The following GPLD1 variants were observed in gnomAD, a reference collection of about 807,000 sequenced individuals.
GPLD1 encodes phosphatidylinositol-glycan-specific phospholipase D.
In GPLD1, 84 loss-of-function variants were observed where a neutral mutation model predicts 112.6. The observed-to-expected ratio is 0.75, with a 90% CI of 0.63 to 0.89. The LOEUF is 0.89. Ranked by LOEUF, GPLD1 falls within the 40% of genes least tolerant of loss-of-function variation. GPLD1 has a pLI of 0.00. For synonymous variants in GPLD1, 386 were observed against 403.8 expected (o/e 0.96, Z 0.53); for missense variants, 1,044 against 1,051.5 (o/e 0.99, Z 0.10).
chr6:24,441,329 C>A (rs1026019038), intron 20 of GPLD1, among the ~76,000 whole-genome samples: 4 of 150,498 alleles, frequency 2.7e-5, no homozygotes, highest in African/African-American at 4.9e-5. Context: ...AAAAGTATAT[C>A]AAAAATCTCA....
intron 20 of GPLD1, among the ~76,000 whole-genome samples, chr6:24,442,753 A>G (rs1268714782): frequency 6.6e-6 from 1 of 150,760 alleles, no homozygotes; most frequent in Non-Finnish European, 1.5e-5. Flanking sequence ...CCAATTTTTA[A>G]AATTTTTTGT....
chr6:24,441,999 T>C (rs1762761435), intron 20 of GPLD1, among the ~76,000 whole-genome samples: 1 of 148,466 alleles, frequency 6.7e-6, no homozygotes, highest in South Asian at 2.1e-4. Flanking sequence ...TATAGACACA[T>C]ACATGTATAT....
chr6:24,456,650 A>C lies in GPLD1; in HGVS notation c.1009-13T>G. ...AGGACATGGAATCCTGAAATAAAAG[A>C]ATCATTATAGACAGTAAAGACACGT... On this transcript the variant is annotated splice_polypyrimidine_tract_variant and intron_variant, in intron 12 of 24. Transcript: ENST00000230036. 1 of 1,578,534 alleles carries C rather than the reference A, an allele frequency of 6.3e-7. No homozygotes were observed. Among genetic ancestry groups the C allele is most frequent in the Admixed American group, 1.7e-5 (1 of 57,918 alleles).
chr6:24,450,454 T>G (rs1172322201), intron 14 of GPLD1, among the ~76,000 whole-genome samples: 1 of 151,852 alleles, frequency 6.6e-6, no homozygotes, highest in East Asian at 2.0e-4. Context: ...TAAGCCAAGA[T>G]CGTGCCACTG....
At chr6:24,430,241 C>T (rs953300718) in intron 24 of GPLD1, among the ~76,000 whole-genome samples, 8 of 152,208 alleles carry the variant, frequency 5.3e-5, no homozygotes, top group African/African-American at 1.7e-4. Flanking sequence ...GCCTGGCCTT[C>T]GGCTTCACTC....
At chr6:24,486,432 A>G (rs148999070) in intron 1 of GPLD1, among the ~76,000 whole-genome samples, 57 of 152,316 alleles carry the variant, frequency 3.7e-4, no homozygotes, top group African/African-American at 1.3e-3. Context: ...TATGGAAAAG[A>G]GTTTAAAAAA....
intron 10 of GPLD1, 90 bp downstream of exon 10, chr6:24,466,590 T>A: frequency 2.0e-6 from 2 of 1,003,162 alleles, no homozygotes; most frequent in Non-Finnish European, 3.0e-6. Context: ...TTTGTTTTTA[T>A]GTGATCAGTT....
rs1224797369 is a variant in GPLD1, at chr6:24,495,042, G to A, written n.164C>T. ...GCGGAGCTGTGGGGCCCGGCGCCTC[G>A]GGTCGACGTTTCCAGGCTGCCGCCT... On this transcript the variant is annotated non_coding_transcript_exon_variant, in exon 1 of 11. Coordinates refer to the GPLD1 transcript ENST00000474784. 5 of 1,354,660 alleles carry A rather than the reference G, an allele frequency of 3.7e-6. No individual in the cohort carries two copies. The East Asian group carries it at 1.1e-4, about 31-fold the overall frequency. The allele number at this position is 1,354,660 out of a possible 1,614,324, so 83.9% of individuals were successfully genotyped here.
In GPLD1 at chr6:24,426,121, TA is replaced by T. The variant is rs1762229723; in HGVS notation, c.*2910del. On this transcript the variant is annotated 3_prime_UTR_variant, in exon 25 of 25. Transcript: ENST00000230036. ...AAAGCTGTTACATATACGCAGATAG[TA>T]GCAAGACAGAAAATGCAAATATGTA... 6.6e-6 allele frequency: 1 copy of T among 152,198 alleles called. No homozygotes were observed. Among genetic ancestry groups the T allele is most frequent in the South Asian group, 2.1e-4 (1 of 4,832 alleles). 9.4% of individuals were successfully genotyped at this position (152,198 alleles called of 1,614,324 possible). A position where few individuals can be genotyped will look rare whatever the true frequency, so the allele number is the denominator to read the frequency against.
chr6:24,491,226 G>C (rs1464934623), upstream of GPLD1, among the ~76,000 whole-genome samples: 1 of 152,114 alleles, frequency 6.6e-6, no homozygotes, highest in Non-Finnish European at 1.5e-5. Context: ...TTGCCTCCCT[G>C]TCACTCTGGG....
In GPLD1 at chr6:24,456,506, C is replaced by G. The variant is rs1763272890; in HGVS notation, c.1140G>C (p.Arg380Ser). 6.2e-7 allele frequency: 1 copy of G among 1,604,586 alleles called. No individual in the cohort carries two copies. Among genetic ancestry groups the G allele is most frequent in the Non-Finnish European group, 8.5e-7 (1 of 1,174,856 alleles). The change falls in exon 13 of 25, where the codon AGG becomes AGC. Residue 380 changes from arginine to serine, a missense_variant. Physicochemically the swap from Arg to Ser is moderately radical, Grantham distance 110. Coordinates refer to ENST00000230036, the MANE Select transcript of GPLD1 (RefSeq NM_001503.4). ...ASYFLSFPYA[R>S]LGWAMTSADL... ...GATAAACTTATACGTACCAGCCAAG[C>G]CTCGCATAAGGAAATGACAAGAAGT...
Position 24,436,694 on chromosome 6 carries a change from G to A in GPLD1, c.2240C>T (p.Thr747Ile). The A allele has an allele frequency of 1.9e-6, 3 of 1,613,994 alleles. No homozygotes were observed. Among genetic ancestry groups the A allele is most frequent in the Non-Finnish European group, 2.5e-6 (3 of 1,179,970 alleles). ...MAAPLRIADV[T>I]SGLIGGEDGR... ...GTCTTCTCCCCCAATCAGTCCAGAG[G>A]TTACATCTGCTATCCTCAGGGGGGC... is the stretch of plus-strand genomic sequence containing the variant. The change falls in exon 22 of 25, where the codon ACC (threonine) becomes ATC (isoleucine). Residue 747 changes from threonine to isoleucine, a missense_variant. Coordinates refer to ENST00000230036, the MANE Select transcript of GPLD1 (RefSeq NM_001503.4).
At chr6:24,479,819 C>A in intron 3 of GPLD1, 62 bp downstream of exon 3, 1 of 862,072 alleles carries the variant, frequency 1.2e-6, no homozygotes, top group South Asian at 1.3e-5. Flanking sequence ...TTTTTAAAGT[C>A]ATAGCTATTC....
chr6:24,485,625 AATAAC>A (rs1222132460), intron 2 of GPLD1, among the ~76,000 whole-genome samples: 1 of 152,164 alleles, frequency 6.6e-6, no homozygotes, highest in African/African-American at 2.4e-5. Context: ...TTATAACATT[AATAAC>A]ATAATATACA....
chr6:24,445,716 C>G lies in GPLD1; in HGVS notation c.1926+10G>C, dbSNP rs762278395. The G allele has an allele frequency of 1.1e-5, 18 of 1,608,426 alleles. No individual in the cohort carries two copies. The highest frequency in any genetic ancestry group is 1.5e-5 in the Non-Finnish European group (18 of 1,174,890). On this transcript the variant is annotated intron_variant, in intron 19 of 24. Transcript: ENST00000230036. ...TGTCCACTCTCCTGTGTGGGGAGGGCTTGTCATACCTTGTCTCCAGAAATG... is the reference window on the plus strand; with the variant it reads ...TGTCCACTCTCCTGTGTGGGGAGGGGTTGTCATACCTTGTCTCCAGAAATG...
chr6:24,470,659 C>T lies in GPLD1; in HGVS notation c.545+1923G>A, dbSNP rs542161811. The stretch of plus-strand genomic sequence containing the variant: ...TGTCTCTCAGGCTGAAGTGCAATGG[C>T]ATGATCTCAGCTCACTGAAACCTCC... On this transcript the variant is annotated intron_variant, in intron 7 of 24. Transcript: ENST00000230036. 3.3e-5 allele frequency among the ~76,000 whole-genome samples: 5 copies of T among 152,238 alleles called. No homozygotes were observed. The East Asian group carries it at 9.7e-4, about 29-fold the overall frequency.
intron 7 of GPLD1, among the ~76,000 whole-genome samples, chr6:24,468,581 T>G (rs1763696114): frequency 6.6e-6 from 1 of 150,478 alleles, no homozygotes. Flanking sequence ...TGAGATGGAG[T>G]CTCACTCTGT....
Position 24,479,910 on chromosome 6 carries a change from T to A in GPLD1, c.203A>T (p.Asp68Val). Residue 68 changes from aspartate (D) to valine (V), a missense_variant, in exon 3 of 25, where the codon GAT becomes GTT. Asp to Val is a radical substitution (Grantham distance 152). Coordinates refer to ENST00000230036, the MANE Select transcript of GPLD1 (RefSeq NM_001503.4). ...TTTGCAGATGCTAGGGTAAAAACAA[T>A]CAGGAAACACGATTCCAGCCTGATA... ...DAYQAGIVFP[D>V]CFYPSICKGG... The A allele has an allele frequency of 6.2e-7, 1 of 1,610,578 alleles. No homozygotes were observed. Among genetic ancestry groups the A allele is most frequent in the Non-Finnish European group, 8.5e-7 (1 of 1,176,834 alleles).
chr6:24,445,913 G>T, intron 18 of GPLD1, 82 bp from the exon 19 acceptor site: 1 of 962,792 alleles, frequency 1.0e-6, no homozygotes, highest in Non-Finnish European at 1.7e-6. Context: ...GAAAGGAAAT[G>T]CACCTCCCCC....
Sources: allele counts gnomAD v4.1 joint callset (sites outside exome capture counted in the v4.1 genomes callset), GRCh38; gene constraint gnomAD v4.1.1; transcripts MANE v1.5; gene names NCBI Gene and HGNC (gene_info 2026-07-23, HGNC 2026-07-21).